The following UTP15 variants were observed in gnomAD, a reference collection of about 807,000 sequenced individuals.
UTP15 encodes U3 small nucleolar RNA-associated protein 15 homolog.
In UTP15, 5 loss-of-function variants were observed where a neutral mutation model predicts 59.1. The ratio of observed to expected loss-of-function variants is 0.08; its 90% CI spans 0.04 to 0.18. The LOEUF (loss-of-function observed/expected upper bound fraction) is 0.18, where lower values mean the gene tolerates loss of function less well. Ranked by LOEUF, UTP15 falls within the 10% of genes least tolerant of loss-of-function variation. UTP15 has a pLI of 1.00. For missense variants in UTP15, 494 were observed against 616.7 expected (o/e 0.80, Z 2.11); for synonymous variants, 211 against 212.2 (o/e 0.99, Z 0.05).
chr5:73,580,179 C>A lies in UTP15; in HGVS notation c.*85C>A. Reference sequence around the variant, plus strand: ...TGTTGGCGAGAGACTCTCTTTGATACATTAAAAAAACTGTTTGCAGAAGCA... The same window carrying A: ...TGTTGGCGAGAGACTCTCTTTGATAAATTAAAAAAACTGTTTGCAGAAGCA... On this transcript the variant is annotated 3_prime_UTR_variant, in exon 13 of 13. Coordinates refer to ENST00000296792, the MANE Select transcript of UTP15 (RefSeq NM_032175.4). The A allele has an allele frequency of 2.5e-6, 3 of 1,221,648 alleles. No individual in the cohort carries two copies. Among genetic ancestry groups the A allele is most frequent in the Admixed American group, 2.5e-5 (1 of 40,016 alleles). The allele number at this position is 1,221,648 out of a possible 1,614,324, so 75.7% of individuals were successfully genotyped here. A position where few individuals can be genotyped will look rare whatever the true frequency, so the allele number is the denominator to read the frequency against.
chr5:73,576,979 C>A lies in UTP15; in HGVS notation c.837C>A (p.Ser279=). 1 of 1,609,688 alleles carries A rather than the reference C, an allele frequency of 6.2e-7. No homozygotes were observed. Among genetic ancestry groups the A allele is most frequent in the Non-Finnish European group, 8.5e-7 (1 of 1,178,920 alleles). The change falls in exon 8 of 13, where the codon TCC becomes TCA. Residue 279 remains serine (S), a synonymous_variant. Coordinates refer to ENST00000296792, the MANE Select transcript of UTP15 (RefSeq NM_032175.4). ...AGGTGAAAGTATACAGCACAACTTC[C>A]TACAAAGTAGTCCACAGTTTTGATT... ...DRKVKVYSTT[S]YKVVHSFDYA... is the part of the protein sequence containing the mutation.
rs1231564257 is a variant in UTP15, at chr5:73,582,107, T to A, written c.*2013T>A. 6.6e-6 allele frequency: 1 copy of A among 152,232 alleles called. No homozygotes were observed. The highest frequency in any genetic ancestry group is 2.4e-5 in the African/African-American group (1 of 41,458). 9.4% of individuals were successfully genotyped at this position (152,232 alleles called of 1,614,324 possible). On this transcript the variant is annotated 3_prime_UTR_variant, in exon 13 of 13. Transcript: ENST00000296792. ...TTTTCCCATATGTCATTTCATTTGATTCTCACCACAACCATCCAAGGTTGA... is the reference window on the plus strand; with the variant it reads ...TTTTCCCATATGTCATTTCATTTGAATCTCACCACAACCATCCAAGGTTGA...
chr5:73,578,229 C>T, intron 9 of UTP15: 1 of 454,846 alleles, frequency 2.2e-6, no homozygotes, highest in East Asian at 4.4e-5. Context: ...TGTTATAATG[C>T]TTTACTGCAT....
chr5:73,579,090 C>G lies in UTP15; in HGVS notation c.1220C>G (p.Ala407Gly), dbSNP rs1748217712. ...IKELNRRGVL[A>G]NALAGRDEKE... ...GAGTTAAATCGAAGAGGAGTCCTTG[C>G]AAATGCGCTTGCAGGTCGGGATGAG... Residue 407 changes from alanine (A) to glycine (G), a missense_variant, in exon 11 of 13, where the codon GCA becomes GGA. Coordinates refer to ENST00000296792, the MANE Select transcript of UTP15 (RefSeq NM_032175.4). 2.5e-6 allele frequency: 4 copies of G among 1,613,838 alleles called. No homozygotes were observed. In the African/African-American group the frequency reaches 5.3e-5, roughly 22 times the overall value.
chr5:73,580,952 A>G lies in UTP15; in HGVS notation c.*858A>G, dbSNP rs1317261687. 3 of 151,966 alleles carry G rather than the reference A, an allele frequency of 2.0e-5. No individual in the cohort carries two copies. The highest frequency in any genetic ancestry group is 4.4e-5 in the Non-Finnish European group (3 of 68,000). The allele number at this position is 151,966 out of a possible 1,614,324, so 9.4% of individuals were successfully genotyped here. A position where few individuals can be genotyped will look rare whatever the true frequency, so the allele number is the denominator to read the frequency against. On this transcript the variant is annotated 3_prime_UTR_variant, in exon 13 of 13. Transcript: ENST00000296792. Reference sequence around the variant, plus strand: ...GATTTGTATTTAGATTCCTCCCCCCATTATTCACAATCATATTGTATTTCG... The same window carrying G: ...GATTTGTATTTAGATTCCTCCCCCCGTTATTCACAATCATATTGTATTTCG...
Position 73,577,962 on chromosome 5 carries a change from C to T in UTP15, c.1001C>T (p.Ala334Val). 1 of 1,581,440 alleles carries T rather than the reference C, an allele frequency of 6.3e-7. No individual in the cohort carries two copies. ...KESLPRRRRP[A>V]YRTFIKGKNY... Reference sequence around the variant, plus strand: ...TCACTTCCCAGAAGAAGAAGGCCTGCATATCGAACCTTTATTAAAGGAAAA... The same window carrying T: ...TCACTTCCCAGAAGAAGAAGGCCTGTATATCGAACCTTTATTAAAGGAAAA... The change falls in exon 9 of 13, where the codon GCA becomes GTA. Residue 334 changes from alanine (A) to valine (V), a missense_variant. Physicochemically the swap from Ala to Val is moderately conservative, Grantham distance 64. Transcript: ENST00000296792.
At chr5:73,579,185 C>A (rs1382189799) in intron 11 of UTP15, 35 bp downstream of exon 11, 2 of 1,611,356 alleles carry the variant, frequency 1.2e-6, no homozygotes, top group East Asian at 2.2e-5. Context: ...TTACATTTTG[C>A]ATCTGAAATC....
chr5:73,568,378 G>A, intron 3 of UTP15, 42 bp from the exon 4 acceptor site: 1 of 1,595,884 alleles, frequency 6.3e-7, no homozygotes, highest in Non-Finnish European at 8.5e-7. Context: ...GTTTACTACT[G>A]ATCTTGAGCC....
chr5:73,577,972 C>A lies in UTP15; in HGVS notation c.1011C>A (p.Thr337=). The change falls in exon 9 of 13, where the codon ACC becomes ACA. Residue 337 remains threonine, a synonymous_variant. Coordinates refer to ENST00000296792, the MANE Select transcript of UTP15 (RefSeq NM_032175.4). ...LPRRRRPAYR[T]FIKGKNYMKQ... ...GAAGAAGAAGGCCTGCATATCGAAC[C>A]TTTATTAAAGGAAAAAATTACATGA... 1.3e-6 allele frequency: 2 copies of A among 1,579,956 alleles called. No homozygotes were observed. The highest frequency in any genetic ancestry group is 8.5e-7 in the Non-Finnish European group (1 of 1,170,580).
Position 73,576,994 on chromosome 5 carries a change from C to T in UTP15, c.852C>T (p.His284=). Residue 284 remains histidine (H), a synonymous_variant, in exon 8 of 13, where the codon CAC becomes CAT. Coordinates refer to ENST00000296792, the MANE Select transcript of UTP15 (RefSeq NM_032175.4). ...GCACAACTTCCTACAAAGTAGTCCA[C>T]AGTTTTGATTATGCAGCTTCAATTT... The part of the protein sequence containing the change: ...VYSTTSYKVV[H]SFDYAASILS... 1.9e-6 allele frequency: 3 copies of T among 1,610,912 alleles called. No homozygotes were observed. The South Asian group carries it at 3.3e-5, about 18-fold the overall frequency.
Position 73,567,340 on chromosome 5 carries a change from G to T in UTP15, c.-5G>T. The stretch of plus-strand genomic sequence containing the variant: ...TCTTGGACAATAGTGCAATTATATG[G>T]AATTATGGCTGGTTATAAGCCTGTA... On this transcript the variant is annotated 5_prime_UTR_variant, in exon 2 of 13. The change creates a premature stop within an existing upstream ORF in the 5' untranslated region. Coordinates refer to ENST00000296792, the MANE Select transcript of UTP15 (RefSeq NM_032175.4). The T allele has an allele frequency of 6.3e-7, 1 of 1,588,652 alleles. No homozygotes were observed. The highest frequency in any genetic ancestry group is 8.6e-7 in the Non-Finnish European group (1 of 1,167,636).
At chr5:73,576,907 CTCGTTT>C in intron 7 of UTP15, 39 bp from the exon 8 acceptor site, 1 of 1,368,006 alleles carries the variant, frequency 7.3e-7, no homozygotes, top group Non-Finnish European at 1.0e-6. Context: ...GCATTTTATA[CTCGTTT>C]TCAAGGTGAT....
intron 6 of UTP15, among the ~76,000 whole-genome samples, chr5:73,572,052 C>G (rs1747947727): frequency 6.6e-6 from 1 of 152,108 alleles, no homozygotes; most frequent in Non-Finnish European, 1.5e-5. Flanking sequence ...GAGTTGGGTT[C>G]CAACTCCTGT....
Position 73,580,695 on chromosome 5 carries a change from C to T in UTP15, c.*601C>T, listed in dbSNP as rs1054954557. 2.6e-5 allele frequency: 4 copies of T among 152,222 alleles called. No individual in the cohort carries two copies. The highest frequency in any genetic ancestry group is 7.2e-5 in the African/African-American group (3 of 41,424). 9.4% of individuals were successfully genotyped at this position (152,222 alleles called of 1,614,324 possible). A position where few individuals can be genotyped will look rare whatever the true frequency, so the allele number is the denominator to read the frequency against. On this transcript the variant is annotated 3_prime_UTR_variant, in exon 13 of 13. Coordinates refer to ENST00000296792, the MANE Select transcript of UTP15 (RefSeq NM_032175.4). The stretch of plus-strand genomic sequence containing the variant: ...TAAGTTTTCGGCTCTGAAGAACTGA[C>T]ACTAGCTAGATTTGTATTCAGAGTG...
intron 7 of UTP15, among the ~76,000 whole-genome samples, chr5:73,573,718 C>T (rs1748008847): frequency 6.6e-6 from 1 of 151,068 alleles, no homozygotes; most frequent in South Asian, 2.1e-4. Flanking sequence ...GGATTATAGG[C>T]GCTTGCCACC....
intron 4 of UTP15, 49 bp from the exon 5 acceptor site, chr5:73,569,448 A>G (rs750552477): frequency 2.0e-5 from 28 of 1,381,214 alleles, no homozygotes; most frequent in Non-Finnish European, 1.9e-6. Context: ...AGAAGGTATC[A>G]GAAAAATAAT....
At chr5:73,569,252 A>C (rs1330490937) in intron 4 of UTP15, among the ~76,000 whole-genome samples, 1 of 149,010 alleles carries the variant, frequency 6.7e-6, no homozygotes, top group Non-Finnish European at 1.5e-5. Flanking sequence ...ATATACTAGA[A>C]AATATAATTT....
chr5:73,575,553 CT>C (rs1393553387), intron 7 of UTP15, among the ~76,000 whole-genome samples: 301 of 140,992 alleles, frequency 2.1e-3, no homozygotes, highest in Middle Eastern at 3.6e-3. Flanking sequence ...TTCTTTCTTT[CT>C]TTTTTTTTTT....
Position 73,579,956 on chromosome 5 carries a change from G to C in UTP15, c.1419G>C (p.Glu473Asp). Residue 473 changes from glutamate to aspartate, a missense_variant, in exon 13 of 13, where the codon GAG (glutamate) becomes GAC (aspartate). Physicochemically the swap from Glu to Asp is conservative, Grantham distance 45 (BLOSUM62 2). Coordinates refer to ENST00000296792, the MANE Select transcript of UTP15 (RefSeq NM_032175.4). ...FLLLQGLVEK[E>D]IDYQRELLET... ...TACTTCAAGGACTTGTAGAAAAAGA[G>C]ATTGATTACCAAAGAGAATTGTTAG... The C allele has an allele frequency of 6.2e-7, 1 of 1,613,856 alleles. No homozygotes were observed.
Sources: allele counts gnomAD v4.1 joint callset (sites outside exome capture counted in the v4.1 genomes callset), GRCh38; gene constraint gnomAD v4.1.1; transcripts MANE v1.5; gene names NCBI Gene and HGNC (gene_info 2026-07-23, HGNC 2026-07-21).